The following GPC6 variants were observed in gnomAD, a reference collection of about 807,000 sequenced individuals.
The protein encoded by GPC6 is glypican 6, also known as glypican-6.
Under a neutral mutation model 55.2 loss-of-function variants are expected in GPC6, and 14 were observed. That is an observed-to-expected ratio of 0.25 (90% CI 0.17 to 0.40). GPC6 has a LOEUF of 0.40. Ranked by LOEUF, GPC6 falls within the 10% of genes least tolerant of loss-of-function variation. The pLI is 1.00. For synonymous variants in GPC6, 278 were observed against 259.6 expected, an observed-to-expected ratio of 1.07 and a Z score of -0.68; for missense variants, 641 against 708.5, an observed-to-expected ratio of 0.90 and a Z score of 1.08.
At chr13:94,283,289 C>A (rs1357196980) in intron 4 of GPC6, among the ~76,000 whole-genome samples, 1 of 152,214 alleles carries the variant, frequency 6.6e-6, no homozygotes, top group Non-Finnish European at 1.5e-5. Flanking sequence ...TTTCATTGTG[C>A]CTACCACCAC....
intron 1 of GPC6, among the ~76,000 whole-genome samples, chr13:93,455,840 A>G (rs935260180): frequency 2.6e-5 from 4 of 151,994 alleles, no homozygotes; most frequent in Non-Finnish European, 4.4e-5. Flanking sequence ...TAAAGACACA[A>G]CCCTCTCAAA....
At chr13:94,210,403 C>T (rs761378141) in intron 4 of GPC6, among the ~76,000 whole-genome samples, 4 of 152,040 alleles carry the variant, frequency 2.6e-5, no homozygotes, top group African/African-American at 4.8e-5. Context: ...GTGATCCACC[C>T]GCCTCAGCCT....
chr13:94,031,108 G>A (rs1172492180), intron 4 of GPC6, among the ~76,000 whole-genome samples: 1 of 145,134 alleles, frequency 6.9e-6, no homozygotes, highest in Non-Finnish European at 1.5e-5. Flanking sequence ...GTGTGTGCGT[G>A]CATGTGTGTG....
intron 1 of GPC6, among the ~76,000 whole-genome samples, chr13:93,486,729 G>A (rs1214616244): frequency 6.6e-6 from 1 of 151,938 alleles, no homozygotes; most frequent in Admixed American, 6.6e-5. Context: ...GGTGGATCAC[G>A]AGGTCAGGAG....
At chr13:94,318,976 A>G (rs1876683096) in intron 6 of GPC6, among the ~76,000 whole-genome samples, 2 of 152,230 alleles carry the variant, frequency 1.3e-5, no homozygotes, top group East Asian at 3.9e-4. Context: ...TATGTTTTAA[A>G]TGTGTCTCTT....
intron 1 of GPC6, among the ~76,000 whole-genome samples, chr13:93,433,203 G>A (rs1194820921): frequency 2.0e-5 from 3 of 152,166 alleles, no homozygotes; most frequent in Non-Finnish European, 2.9e-5. Flanking sequence ...TGACAAACGG[G>A]ATGATGCTGA....
chr13:93,633,308 A>T (rs1317732464), intron 2 of GPC6, among the ~76,000 whole-genome samples: 1 of 152,166 alleles, frequency 6.6e-6, no homozygotes, highest in Non-Finnish European at 1.5e-5. Flanking sequence ...ACTTTTCTGG[A>T]TAGCTCTTTT....
At chr13:94,262,745 G>T (rs910526822) in intron 4 of GPC6, among the ~76,000 whole-genome samples, 1 of 151,362 alleles carries the variant, frequency 6.6e-6, no homozygotes, top group Non-Finnish European at 1.5e-5. Context: ...AGTAAGGAAA[G>T]GCTACTTTTT....
At chr13:93,627,338 C>G (rs1879245141) in intron 2 of GPC6, among the ~76,000 whole-genome samples, 1 of 152,070 alleles carries the variant, frequency 6.6e-6, no homozygotes. Context: ...TGAACTCATC[C>G]TTTTTTATGG....
At chr13:93,377,006 T>A (rs559183751) in intron 1 of GPC6, among the ~76,000 whole-genome samples, 1 of 152,356 alleles carries the variant, frequency 6.6e-6, no homozygotes, top group South Asian at 2.1e-4. Context: ...TAATTTATGT[T>A]CTGAAATCTT....
chr13:94,302,003 G>T (rs1451047742), intron 5 of GPC6, among the ~76,000 whole-genome samples: 1 of 152,198 alleles, frequency 6.6e-6, no homozygotes, highest in African/African-American at 2.4e-5. Flanking sequence ...CCACAAAACT[G>T]TGCCTAACTA....
chr13:93,518,506 A>G (rs1344841762), intron 1 of GPC6, among the ~76,000 whole-genome samples: 1 of 151,940 alleles, frequency 6.6e-6, no homozygotes, highest in Non-Finnish European at 1.5e-5. Context: ...TTGACATCCT[A>G]ATTCATATTC....
chr13:93,646,433 A>G (rs1433450410), intron 2 of GPC6, among the ~76,000 whole-genome samples: 1 of 152,172 alleles, frequency 6.6e-6, no homozygotes, highest in Non-Finnish European at 1.5e-5. Flanking sequence ...TTCACATTTA[A>G]TGTCATCCGT....
chr13:94,313,350 G>A (rs1166387173), intron 6 of GPC6, among the ~76,000 whole-genome samples: 1 of 152,202 alleles, frequency 6.6e-6, no homozygotes, highest in African/African-American at 2.4e-5. Flanking sequence ...TGGAAACCTG[G>A]ATGGAACTCC....
chr13:93,294,901 C>G (rs1043223732), intron 1 of GPC6, among the ~76,000 whole-genome samples: 6 of 151,834 alleles, frequency 4.0e-5, no homozygotes, highest in African/African-American at 1.5e-4. Flanking sequence ...AACTCATTCT[C>G]TTTCTCTCCC....
intron 2 of GPC6, 27 bp from the exon 3 acceptor site, chr13:93,830,127 T>C (rs780911041): frequency 1.9e-6 from 3 of 1,589,640 alleles, no homozygotes; most frequent in Non-Finnish European, 2.6e-6. Flanking sequence ...TTCATTAATT[T>C]ATGACTTCTT....
chr13:94,054,246 A>C (rs917935348), intron 4 of GPC6, among the ~76,000 whole-genome samples: 1 of 152,192 alleles, frequency 6.6e-6, no homozygotes, highest in Non-Finnish European at 1.5e-5. Flanking sequence ...TGGTTAGTGC[A>C]TCAGCCCAGG....
At chr13:94,241,652 G>C (rs1162011758) in intron 4 of GPC6, among the ~76,000 whole-genome samples, 1 of 152,066 alleles carries the variant, frequency 6.6e-6, no homozygotes, top group African/African-American at 2.4e-5. Flanking sequence ...AGCTAAAACA[G>C]AAAAAGGAGG....
chr13:94,303,500 G>C (rs1205084679), intron 5 of GPC6, among the ~76,000 whole-genome samples: 1 of 152,120 alleles, frequency 6.6e-6, no homozygotes, highest in Non-Finnish European at 1.5e-5. Context: ...TGGCACTTCT[G>C]TTTTTCTAAG....
Sources: allele counts gnomAD v4.1 joint callset (sites outside exome capture counted in the v4.1 genomes callset), GRCh38; gene constraint gnomAD v4.1.1; transcripts MANE v1.5; gene names NCBI Gene and HGNC (gene_info 2026-07-23, HGNC 2026-07-21).